RPH3A: variants seen among roughly 807,000 people sequenced by gnomAD.
RPH3A encodes the protein rabphilin-3A.
A neutral mutation model predicts 102.2 loss-of-function variants in RPH3A; 48 were observed. The observed-to-expected ratio is 0.47, with a 90% CI of 0.37 to 0.60. RPH3A has a LOEUF of 0.60. Ranked by LOEUF, RPH3A falls within the 20% of genes least tolerant of loss-of-function variation. The pLI is 0.00. For missense variants in RPH3A, 781 were observed against 910.1 expected (o/e 0.86, Z 1.83); for synonymous variants, 310 against 324.3 (o/e 0.96, Z 0.47).
At chr12:112,715,022 A>G (rs1211462769) in intron 1 of RPH3A, among the ~76,000 whole-genome samples, 1 of 151,858 alleles carries the variant, frequency 6.6e-6, no homozygotes, top group Non-Finnish European at 1.5e-5. Flanking sequence ...TCTCTGATAT[A>G]TCTAATCTAC....
At chr12:112,708,409 G>A (rs1036758340) in intron 1 of RPH3A, among the ~76,000 whole-genome samples, 6 of 152,166 alleles carry the variant, frequency 3.9e-5, no homozygotes, top group African/African-American at 9.7e-5. Flanking sequence ...TGGGGCCAGC[G>A]CTGGAATTGG....
intron 1 of RPH3A, among the ~76,000 whole-genome samples, chr12:112,699,584 A>G (rs1274635574): frequency 6.6e-6 from 1 of 152,214 alleles, no homozygotes; most frequent in Non-Finnish European, 1.5e-5. Context: ...ACCAACCTAT[A>G]GTGACAGAAA....
rs572557744 is a variant in RPH3A, at chr12:112,896,816, C to T, written c.*36C>T. 5.6e-6 allele frequency: 9 copies of T among 1,605,784 alleles called. No homozygotes were observed. Among genetic ancestry groups the T allele is most frequent in the African/African-American group, 4.0e-5 (3 of 74,636 alleles). Reference sequence around the variant, plus strand: ...AGGTCCCCATCTCCATGTCCCGGGTCCCCCCCAGCCTGCTCTAGCTGCCCA... The same window carrying T: ...AGGTCCCCATCTCCATGTCCCGGGTTCCCCCCAGCCTGCTCTAGCTGCCCA... On this transcript the variant is annotated 3_prime_UTR_variant, in exon 22 of 22. Coordinates refer to ENST00000389385, the MANE Select transcript of RPH3A (RefSeq NM_001143854.2).
intron 1 of RPH3A, among the ~76,000 whole-genome samples, chr12:112,755,298 T>TATACACACAC (rs1489083022): frequency 6.2e-5 from 9 of 145,776 alleles, no homozygotes; most frequent in South Asian, 4.5e-4. Context: ...TATATGTATA[T>TATACACACAC]ACACACACAC....
At chr12:112,630,261 C>T (rs930163581) in intron 1 of RPH3A, among the ~76,000 whole-genome samples, 2 of 152,138 alleles carry the variant, frequency 1.3e-5, no homozygotes, top group Non-Finnish European at 2.9e-5. Context: ...CATATCTTAT[C>T]AACTCCTTGA....
At chr12:112,678,857 G>A (rs935680217) in intron 1 of RPH3A, among the ~76,000 whole-genome samples, 1 of 152,166 alleles carries the variant, frequency 6.6e-6, no homozygotes, top group Non-Finnish European at 1.5e-5. Context: ...TTGCAATTCT[G>A]CGTGACAGAT....
chr12:112,881,678 G>C, intron 14 of RPH3A, 94 bp from the exon 15 acceptor site: 1 of 812,782 alleles, frequency 1.2e-6, no homozygotes, highest in Admixed American at 2.2e-5. Flanking sequence ...GGACCAACAG[G>C]CAGGACAGAT....
chr12:112,684,726 G>A (rs1476271140), intron 1 of RPH3A, among the ~76,000 whole-genome samples: 3 of 152,118 alleles, frequency 2.0e-5, no homozygotes, highest in Non-Finnish European at 4.4e-5. Flanking sequence ...CTATTGCTGT[G>A]TTCATTTTTT....
chr12:112,728,410 T>C (rs922645459), intron 1 of RPH3A, among the ~76,000 whole-genome samples: 1 of 152,146 alleles, frequency 6.6e-6, no homozygotes, highest in Non-Finnish European at 1.5e-5. Flanking sequence ...CCATAACCCT[T>C]ATAATCATGG....
rs1169171453 is a variant in RPH3A, at chr12:112,621,620, G to A, written c.-140+46301G>A. ...TGAGATCAAACTGCAAGGCGGCAGCGAGGCTGGGGGAGGGGCGCCCGCCAT... is the reference window on the plus strand; with the variant it reads ...TGAGATCAAACTGCAAGGCGGCAGCAAGGCTGGGGGAGGGGCGCCCGCCAT... On this transcript the variant is annotated intron_variant, in intron 1 of 21. Coordinates refer to the RPH3A transcript ENST00000543106. Among the ~76,000 whole-genome samples, 33 of 151,416 alleles carry A rather than the reference G, an allele frequency of 2.2e-4. No individual in the cohort carries two copies. The East Asian group carries it at 6.2e-3, about 28-fold the overall frequency.
In RPH3A at chr12:112,663,378, T is replaced by G. The variant is rs78595514; in HGVS notation, c.-140+88059T>G. On this transcript the variant is annotated intron_variant, in intron 1 of 21. Transcript: ENST00000543106. Reference sequence around the variant, plus strand: ...GTGTGTGTTACCATGCCTGACTAATTTATATATATGTATTTTGTAAAGATG... The same window carrying G: ...GTGTGTGTTACCATGCCTGACTAATGTATATATATGTATTTTGTAAAGATG... Among the ~76,000 whole-genome samples, 1,017 of 152,028 alleles carry G rather than the reference T, an allele frequency of 6.7e-3. 17 individuals carry two copies. Among genetic ancestry groups the G allele is most frequent in the African/African-American group, 0.023 (963 of 41,460 alleles).
At chr12:112,705,730 C>T (rs891694090) in intron 1 of RPH3A, among the ~76,000 whole-genome samples, 23 of 152,098 alleles carry the variant, frequency 1.5e-4, no homozygotes, top group African/African-American at 5.6e-4. Context: ...TAAATTTAAA[C>T]TTTTTTTAAT....
intron 1 of RPH3A, among the ~76,000 whole-genome samples, chr12:112,694,586 G>A (rs1373187943): frequency 6.8e-6 from 1 of 147,622 alleles, no homozygotes; most frequent in African/African-American, 2.5e-5. Flanking sequence ...AGAGAGAAAG[G>A]CAGAGAGAGA....
intron 4 of RPH3A, chr12:112,837,801 G>A (rs1172628026): frequency 1.1e-5 from 5 of 455,786 alleles, no homozygotes; most frequent in Non-Finnish European, 2.2e-5. Flanking sequence ...GAATGCTGCA[G>A]GTTGAAAGGT....
intron 1 of RPH3A, among the ~76,000 whole-genome samples, chr12:112,698,842 TTCCTTC>T (rs377617077): frequency 1.7e-3 from 251 of 150,846 alleles, no homozygotes; most frequent in African/African-American, 5.3e-3. Context: ...CCTTCCCCTT[TTCCTTC>T]TCCTTCTCCT....
intron 1 of RPH3A, among the ~76,000 whole-genome samples, chr12:112,713,005 C>CTTCT (rs2040483017): frequency 3.0e-5 from 2 of 66,530 alleles, no homozygotes; most frequent in South Asian, 7.5e-4. Context: ...CTTCCTCTTC[C>CTTCT]TCTTCCTCTT....
intron 2 of RPH3A, among the ~76,000 whole-genome samples, chr12:112,806,337 A>G (rs987884992): frequency 2.0e-5 from 3 of 152,250 alleles, no homozygotes; most frequent in Non-Finnish European, 4.4e-5. Context: ...AAGAACCTGG[A>G]CAGAAAGTGA....
chr12:112,790,421 G>A (rs1050450441), upstream of RPH3A, among the ~76,000 whole-genome samples: 2 of 152,060 alleles, frequency 1.3e-5, no homozygotes, highest in African/African-American at 4.8e-5. Context: ...TTAACTCCTG[G>A]GTCTCATGGG....
chr12:112,695,186 T>C (rs2040340688), intron 1 of RPH3A: 1 of 169,456 alleles, frequency 5.9e-6, no homozygotes, highest in African/African-American at 2.4e-5. Context: ...GTGTTTTTGT[T>C]TGCTAAATTT....
Sources: gnomAD v4.1 joint callset for allele counts (sites outside exome capture counted in the v4.1 genomes callset) on GRCh38, gnomAD v4.1.1 for gene constraint, MANE v1.5 for transcripts, NCBI Gene and HGNC (gene_info 2026-07-23, HGNC 2026-07-21) for gene names.